Variants in RAB22A observed in about 807,000 individuals in gnomAD.
RAB22A encodes the protein ras-related protein Rab-22A.
A neutral mutation model predicts 30.2 loss-of-function variants in RAB22A; 13 were observed. That is an observed-to-expected ratio of 0.43 (90% CI 0.28 to 0.68). The LOEUF (loss-of-function observed/expected upper bound fraction) is 0.68. RAB22A is among the 30% of genes least tolerant of loss of function. The pLI is 0.18. For missense variants in RAB22A, 177 were observed against 246.8 expected (o/e 0.72, Z 1.89); for synonymous variants, 89 against 87.2 (o/e 1.02, Z -0.11).
At chr20:58,324,077 G>A (rs926340693) in intron 2 of RAB22A, among the ~76,000 whole-genome samples, 4 of 152,150 alleles carry the variant, frequency 2.6e-5, no homozygotes, top group East Asian at 3.8e-4. Context: ...TTTGGCATCA[G>A]TGCTGTGCTT....
rs1435212564 is a variant in RAB22A, at chr20:58,327,089, T to C, written c.116+15967T>C. 2.6e-5 allele frequency among the ~76,000 whole-genome samples: 4 copies of C among 152,204 alleles called. No individual in the cohort carries two copies. The East Asian group carries it at 7.7e-4, about 29-fold the overall frequency. On this transcript the variant is annotated intron_variant, in intron 2 of 6. Coordinates refer to ENST00000244040, the MANE Select transcript of RAB22A (RefSeq NM_020673.3). ...TGGAAGGCCAATGTGGGAGGAACGCTTGAGACCAGTGTGGGCAATATAGTG... is the reference window on the plus strand; with the variant it reads ...TGGAAGGCCAATGTGGGAGGAACGCCTGAGACCAGTGTGGGCAATATAGTG...
chr20:58,343,031 A>G (rs534834292), intron 2 of RAB22A, among the ~76,000 whole-genome samples: 2 of 152,206 alleles, frequency 1.3e-5, no homozygotes, highest in African/African-American at 4.8e-5. Flanking sequence ...TAGCTCCCTG[A>G]AAGTGAGCGG....
rs1987282821 is a variant in RAB22A, at chr20:58,364,604, C to T, written c.*4901C>T. ...ATTTACTGCAAGTTCATTTTTAGAT[C>T]TGTATGGTGCCCAGTACTCCACAAA... On this transcript the variant is annotated 3_prime_UTR_variant, in exon 7 of 7. Coordinates refer to ENST00000244040, the MANE Select transcript of RAB22A (RefSeq NM_020673.3). The T allele has an allele frequency of 6.6e-6, 1 of 152,180 alleles. No individual in the cohort carries two copies. Among genetic ancestry groups the T allele is most frequent in the African/African-American group, 2.4e-5 (1 of 41,534 alleles). The allele number at this position is 152,180 out of a possible 1,614,324, so 9.4% of individuals were successfully genotyped here.
At chr20:58,331,281 A>G (rs1432375112) in intron 2 of RAB22A, among the ~76,000 whole-genome samples, 1 of 151,348 alleles carries the variant, frequency 6.6e-6, no homozygotes, top group Non-Finnish European at 1.5e-5. Context: ...CACTCCAGTC[A>G]CTATCACCAC....
At chr20:58,344,126 G>A (rs2122959928) in intron 3 of RAB22A, among the ~76,000 whole-genome samples, 1 of 152,304 alleles carries the variant, frequency 6.6e-6, no homozygotes, top group African/African-American at 2.4e-5. Flanking sequence ...GATATATAAA[G>A]CAATTAGTGG....
chr20:58,313,762 G>A (rs1214346353), intron 2 of RAB22A, among the ~76,000 whole-genome samples: 1 of 152,148 alleles, frequency 6.6e-6, no homozygotes, highest in Non-Finnish European at 1.5e-5. Context: ...GACCAGGGGT[G>A]GGCAAACTGT....
At chr20:58,314,175 T>G (rs1986289248) in intron 2 of RAB22A, among the ~76,000 whole-genome samples, 1 of 151,722 alleles carries the variant, frequency 6.6e-6, no homozygotes, top group Non-Finnish European at 1.5e-5. Flanking sequence ...CAGCCTCCCA[T>G]ATAGTTGGGA....
chr20:58,328,409 C>A (rs1474571557), intron 2 of RAB22A, among the ~76,000 whole-genome samples: 1 of 152,060 alleles, frequency 6.6e-6, no homozygotes. Flanking sequence ...GTCTCAAACT[C>A]CTGGACTCAA....
At chr20:58,357,514 G>A (rs559879315) in intron 6 of RAB22A, among the ~76,000 whole-genome samples, 17 of 151,956 alleles carry the variant, frequency 1.1e-4, no homozygotes, top group African/African-American at 4.1e-4. Context: ...TAGGTTTTTG[G>A]TTGCTGTTTT....
intron 6 of RAB22A, among the ~76,000 whole-genome samples, chr20:58,359,195 A>T (rs1391073047): frequency 6.6e-6 from 1 of 152,200 alleles, no homozygotes; most frequent in Non-Finnish European, 1.5e-5. Context: ...TGTATTACCT[A>T]CTCAAAACAA....
chr20:58,337,476 A>G (rs1419541188), intron 2 of RAB22A, among the ~76,000 whole-genome samples: 1 of 152,184 alleles, frequency 6.6e-6, no homozygotes, highest in Non-Finnish European at 1.5e-5. Context: ...ACAGGTTCTG[A>G]GGTTAAGGTG....
intron 3 of RAB22A, 140 bp downstream of exon 3, chr20:58,343,939 A>C: frequency 2.7e-6 from 2 of 728,502 alleles, no homozygotes; most frequent in Non-Finnish European, 4.6e-6. Context: ...TGCGTAGGCC[A>C]GCCTTTGCCT....
chr20:58,367,374 A>G lies in RAB22A; in HGVS notation c.*7671A>G, dbSNP rs1372220560. 2 of 152,584 alleles carry G rather than the reference A, an allele frequency of 1.3e-5. No homozygotes were observed. Among genetic ancestry groups the G allele is most frequent in the Non-Finnish European group, 2.9e-5 (2 of 68,040 alleles). The allele number at this position is 152,584 out of a possible 1,614,324, so 9.5% of individuals were successfully genotyped here. A position where few individuals can be genotyped will look rare whatever the true frequency, so the allele number is the denominator to read the frequency against. On this transcript the variant is annotated 3_prime_UTR_variant, in exon 7 of 7. Coordinates refer to ENST00000244040, the MANE Select transcript of RAB22A (RefSeq NM_020673.3). The stretch of plus-strand genomic sequence containing the variant: ...GTTTGCAAATGAAAGTTGATTTGCC[A>G]TACTTTTAAATAATATTGTTTTAGC...
rs923340061 is a variant in RAB22A, at chr20:58,353,574, A to G, written c.377+36A>G. The G allele has an allele frequency of 4.8e-6, 7 of 1,453,976 alleles. No homozygotes were observed. In the South Asian group the frequency reaches 8.2e-5, roughly 17 times the overall value. The allele number at this position is 1,453,976 out of a possible 1,614,324, so 90.1% of individuals were successfully genotyped here. On this transcript the variant is annotated intron_variant, in intron 5 of 6. Coordinates refer to ENST00000244040, the MANE Select transcript of RAB22A (RefSeq NM_020673.3). ...AGAACGAGAGATTACAATACCTATT[A>G]TGTGTTCCTTTTCTTAATAAGCAAT...
At chr20:58,312,663 T>G (rs974028326) in intron 2 of RAB22A, among the ~76,000 whole-genome samples, 25 of 151,700 alleles carry the variant, frequency 1.6e-4, no homozygotes, top group African/African-American at 6.0e-4. Flanking sequence ...TAATTTTTTT[T>G]TGTATTTTTA....
rs546343159 is a variant in RAB22A at position 58,310,123 on chromosome 20, C to T, written c.36+111C>T. The T allele has an allele frequency of 3.7e-6, 4 of 1,069,178 alleles. No individual in the cohort carries two copies. The East Asian group carries it at 1.0e-4, about 28-fold the overall frequency. The allele number at this position is 1,069,178 out of a possible 1,614,324, so 66.2% of individuals were successfully genotyped here. ...CCCCCTCCCACGTCCAAGACGCTGT[C>T]TGCCAGCCCCGTGGACCCTCCCTCC... On this transcript the variant is annotated intron_variant, in intron 1 of 6. Coordinates refer to ENST00000244040, the MANE Select transcript of RAB22A (RefSeq NM_020673.3).
intron 2 of RAB22A, among the ~76,000 whole-genome samples, chr20:58,323,780 CT>C (rs1398692781): frequency 6.6e-6 from 1 of 151,610 alleles, no homozygotes; most frequent in African/African-American, 2.4e-5. Flanking sequence ...GCAGAAGCAC[CT>C]TTATTTTGTT....
At chr20:58,354,353 G>A in intron 6 of RAB22A, 88 bp downstream of exon 6, 1 of 859,106 alleles carries the variant, frequency 1.2e-6, no homozygotes, top group South Asian at 1.7e-5. Flanking sequence ...GTCTTACTTA[G>A]AGCAGTCTAG....
rs1986895607 is a variant in RAB22A, at chr20:58,343,639, G to A, written c.117-79G>A. The A allele has an allele frequency of 4.5e-6, 5 of 1,109,576 alleles. No individual in the cohort carries two copies. In the Admixed American group the frequency reaches 7.1e-5, roughly 16 times the overall value. 68.7% of individuals were successfully genotyped at this position (1,109,576 alleles called of 1,614,324 possible). A position where few individuals can be genotyped will look rare whatever the true frequency, so the allele number is the denominator to read the frequency against. ...TGCTGGGAGACTGAGCGTTGGTTGA[G>A]TCTAAGTGATGTTTCCGACTGGGGC... is the stretch of plus-strand genomic sequence containing the variant. On this transcript the variant is annotated intron_variant, in intron 2 of 6. Transcript: ENST00000244040.
Sources: gnomAD v4.1 joint callset for allele counts (sites outside exome capture counted in the v4.1 genomes callset) on GRCh38, gnomAD v4.1.1 for gene constraint, MANE v1.5 for transcripts, NCBI Gene and HGNC (gene_info 2026-07-23, HGNC 2026-07-21) for gene names.